The following ASCC1 variants were observed in gnomAD, a reference collection of about 807,000 sequenced individuals.
The protein encoded by ASCC1 is activating signal cointegrator 1 complex subunit 1.
In ASCC1, 35 loss-of-function variants were observed where a neutral mutation model predicts 46.6. The ratio of observed to expected loss-of-function variants is 0.75; its 90% CI spans 0.57 to 0.99. The LOEUF (loss-of-function observed/expected upper bound fraction) is 0.99. Among genes scored for constraint, ASCC1 ranks in the 50% least tolerant of loss-of-function variants. ASCC1 has a pLI of 0.00. For synonymous variants in ASCC1, 143 were observed against 146.6 expected, an observed-to-expected ratio of 0.98 and a Z score of 0.18; for missense variants, 376 against 428.7, an observed-to-expected ratio of 0.88 and a Z score of 1.09.
intron 9 of ASCC1, among the ~76,000 whole-genome samples, chr10:72,120,311 T>C (rs781550269): frequency 7.9e-5 from 12 of 152,110 alleles, no homozygotes; most frequent in Non-Finnish European, 1.6e-4. Context: ...ATTAGCAGAC[T>C]GGACATGGCT....
intron 6 of ASCC1, among the ~76,000 whole-genome samples, chr10:72,156,589 G>A (rs534878816): frequency 2.0e-5 from 3 of 152,034 alleles, no homozygotes; most frequent in South Asian, 2.1e-4. Context: ...GCTGAAAGAC[G>A]GTGAAACCCC....
At chr10:72,188,694 G>C (rs1233225537) in intron 5 of ASCC1, among the ~76,000 whole-genome samples, 1 of 152,066 alleles carries the variant, frequency 6.6e-6, no homozygotes, top group East Asian at 1.9e-4. Context: ...GTAAAGTATA[G>C]CAGGAGTAGC....
chr10:72,189,821 A>G, intron 5 of ASCC1: 1 of 400,154 alleles, frequency 2.5e-6, no homozygotes, highest in Non-Finnish European at 4.5e-6. Context: ...AAAAAAAAAA[A>G]AAGAACCAAA....
chr10:72,203,619 C>T (rs763215309), intron 3 of ASCC1, 95 bp from the exon 4 acceptor site: 8 of 933,572 alleles, frequency 8.6e-6, no homozygotes, highest in Non-Finnish European at 1.4e-5. Flanking sequence ...GAGATACTCC[C>T]TTACAGAAAA....
chr10:72,198,339 A>G (rs1194844133), intron 4 of ASCC1: 6 of 18,538 alleles, frequency 3.2e-4, no homozygotes, highest in South Asian at 5.0e-4. Flanking sequence ...AGGGGAGGAG[A>G]GGGGAGGGGA....
chr10:72,187,445 G>A (rs1041690283), intron 5 of ASCC1, among the ~76,000 whole-genome samples: 10 of 151,996 alleles, frequency 6.6e-5, no homozygotes, highest in Admixed American at 4.6e-4. Flanking sequence ...CTTAGGCCGG[G>A]CGCGGTGGCT....
At chr10:72,185,013 G>T (rs559682306) in intron 5 of ASCC1, among the ~76,000 whole-genome samples, 1 of 152,268 alleles carries the variant, frequency 6.6e-6, no homozygotes, top group Admixed American at 6.5e-5. Context: ...ATGAGCACAT[G>T]AAAAGATGCT....
intron 5 of ASCC1, among the ~76,000 whole-genome samples, chr10:72,187,446 C>T (rs1853632154): frequency 6.6e-6 from 1 of 151,652 alleles, no homozygotes; most frequent in African/African-American, 2.4e-5. Flanking sequence ...TTAGGCCGGG[C>T]GCGGTGGCTC....
At chr10:72,211,949 C>CAAGGCAAGAGGATCACCCG (rs1283080593) in intron 2 of ASCC1, among the ~76,000 whole-genome samples, 2 of 152,108 alleles carry the variant, frequency 1.3e-5, no homozygotes, top group African/African-American at 4.8e-5. Context: ...TTTGGGAGGC[C>CAAGGCAAGAGGATCACCCG]AAGGCAAGAG....
At chr10:72,206,175 C>T (rs1857182855) in intron 3 of ASCC1, among the ~76,000 whole-genome samples, 1 of 147,970 alleles carries the variant, frequency 6.8e-6, no homozygotes, top group South Asian at 2.1e-4. Context: ...AAGGCTGAGG[C>T]GGGTGGATCA....
intron 9 of ASCC1, among the ~76,000 whole-genome samples, chr10:72,121,249 T>C (rs1282233962): frequency 1.3e-5 from 2 of 152,140 alleles, no homozygotes; most frequent in Non-Finnish European, 2.9e-5. Flanking sequence ...GCACAAGCGA[T>C]CCTCCCACCT....
intron 5 of ASCC1, among the ~76,000 whole-genome samples, chr10:72,177,097 TA>T (rs548361372): frequency 1.3e-5 from 2 of 152,290 alleles, no homozygotes; most frequent in African/African-American, 4.8e-5. Flanking sequence ...ATATGTTATA[TA>T]TACCTGGTAT....
At chr10:72,115,624 C>T (rs1421217743) in intron 9 of ASCC1, among the ~76,000 whole-genome samples, 1 of 152,192 alleles carries the variant, frequency 6.6e-6, no homozygotes, top group Non-Finnish European at 1.5e-5. Flanking sequence ...GGGCTTAACA[C>T]TCTCAGTGCA....
intron 9 of ASCC1, among the ~76,000 whole-genome samples, chr10:72,107,695 A>G (rs1842495339): frequency 6.6e-6 from 1 of 152,238 alleles, no homozygotes; most frequent in Admixed American, 6.5e-5. Context: ...AAGAAAGGGC[A>G]CAAAAAGTTT....
chr10:72,216,917 A>G (rs1035622591), upstream of ASCC1: 3 of 456,172 alleles, frequency 6.6e-6, no homozygotes, highest in African/African-American at 4.0e-5. Flanking sequence ...GGTTGAAGAT[A>G]GAGTTGTGCG....
At chr10:72,193,676 C>G (rs987012656) in intron 5 of ASCC1, among the ~76,000 whole-genome samples, 7 of 151,714 alleles carry the variant, frequency 4.6e-5, no homozygotes, top group African/African-American at 1.7e-4. Context: ...CCAAAAAAGT[C>G]CATTTTAATT....
At chr10:72,205,669 C>T (rs1478550870) in intron 3 of ASCC1, among the ~76,000 whole-genome samples, 6 of 149,554 alleles carry the variant, frequency 4.0e-5, no homozygotes, top group East Asian at 2.0e-4. Flanking sequence ...TGGTGGCGGG[C>T]GCCTGTAATC....
At chr10:72,143,779 C>T (rs1847309127) in intron 7 of ASCC1, among the ~76,000 whole-genome samples, 1 of 151,076 alleles carries the variant, frequency 6.6e-6, no homozygotes, top group Non-Finnish European at 1.5e-5. Context: ...GCTTGATCTA[C>T]CAATAATTAA....
chr10:72,140,497 T>C (rs1846836721), intron 7 of ASCC1, among the ~76,000 whole-genome samples: 1 of 152,250 alleles, frequency 6.6e-6, no homozygotes, highest in African/African-American at 2.4e-5. Flanking sequence ...TTGCTTAGAC[T>C]GATGTAGTAG....
Sources: allele counts gnomAD v4.1 joint callset (sites outside exome capture counted in the v4.1 genomes callset), GRCh38; gene constraint gnomAD v4.1.1; transcripts MANE v1.5; gene names NCBI Gene and HGNC (gene_info 2026-07-23, HGNC 2026-07-21).